HNRNPU: variants seen among roughly 807,000 people sequenced by gnomAD.
The protein encoded by HNRNPU is heterogeneous nuclear ribonucleoprotein U.
A neutral mutation model predicts 94.7 loss-of-function variants in HNRNPU; 5 were observed. That is an observed-to-expected ratio of 0.05 (90% CI 0.03 to 0.11). The LOEUF is 0.11. HNRNPU is among the 10% of genes least tolerant of loss of function. HNRNPU has a pLI of 1.00. For synonymous variants in HNRNPU, 434 were observed against 381.6 expected, an observed-to-expected ratio of 1.14 and a Z score of -1.60; for missense variants, 710 against 1,049.2, an observed-to-expected ratio of 0.68 and a Z score of 4.47.
intron 8 of HNRNPU, 26 bp from the exon 9 acceptor site, chr1:244,856,882 C>G: frequency 6.4e-7 from 1 of 1,567,904 alleles, no homozygotes; most frequent in Non-Finnish European, 8.6e-7. Context: ...AAAATTTCCC[C>G]TTGAACTTGT....
intron 8 of HNRNPU, 84 bp downstream of exon 8, chr1:244,857,514 T>G: frequency 2.2e-6 from 3 of 1,377,716 alleles, no homozygotes; most frequent in Non-Finnish European, 3.0e-6. Context: ...CTCAAAATGC[T>G]GAGATTACAG....
At chr1:244,862,341 C>T in intron 3 of HNRNPU, 120 bp downstream of exon 3, 1 of 665,120 alleles carries the variant, frequency 1.5e-6, no homozygotes, top group Non-Finnish European at 2.6e-6. Flanking sequence ...CCATTATCTT[C>T]CTGCTTTTAA....
chr1:244,864,284 T>A lies in HNRNPU; in HGVS notation c.24A>T (p.Val8=). 3 of 1,613,164 alleles carry A rather than the reference T, an allele frequency of 1.9e-6. No homozygotes were observed. The highest frequency in any genetic ancestry group is 2.5e-6 in the Non-Finnish European group (3 of 1,179,756). MSSSPVN[V]KKLKVSELKE... ...TCAGCTCCGACACCTTCAGCTTTTT[T>A]ACATTAACAGGCGAGGAACTCATGG... The change falls in exon 1 of 14, where the codon GTA becomes GTT. Residue 8 remains valine (V), a synonymous_variant. Coordinates refer to ENST00000640218, the MANE Select transcript of HNRNPU (RefSeq NM_031844.3).
At chr1:244,862,245 T>C (rs1452990517) in intron 3 of HNRNPU, 7 of 434,014 alleles carry the variant, frequency 1.6e-5, no homozygotes, top group Non-Finnish European at 2.4e-5. Flanking sequence ...GTCATAAAAA[T>C]ACGAAACTCC....
chr1:244,863,414 A>ACACACACACACACG (rs1553283742), intron 1 of HNRNPU, among the ~76,000 whole-genome samples: 1 of 143,220 alleles, frequency 7.0e-6, no homozygotes, highest in Non-Finnish European at 1.5e-5. Flanking sequence ...ACACACACAC[A>ACACACACACACACG]CACACACGCG....
In HNRNPU at chr1:244,857,729, A is replaced by G. The variant is rs1307124973; in HGVS notation, c.1495-12T>C. 6.2e-7 allele frequency: 1 copy of G among 1,610,552 alleles called. No individual in the cohort carries two copies. Among genetic ancestry groups the G allele is most frequent in the South Asian group, 1.1e-5 (1 of 90,516 alleles). ...ATCATCATCACAACCTAGTGAAAAG[A>G]AAAGAAATGTCATTTCACTGTCAGT... is the stretch of plus-strand genomic sequence containing the variant. On this transcript the variant is annotated splice_polypyrimidine_tract_variant and intron_variant, in intron 7 of 13. Coordinates refer to ENST00000640218, the MANE Select transcript of HNRNPU (RefSeq NM_031844.3).
intron 10 of HNRNPU, 144 bp from the exon 11 acceptor site, chr1:244,856,302 A>C: frequency 8.7e-7 from 1 of 1,146,764 alleles, no homozygotes; most frequent in Admixed American, 2.4e-5. Flanking sequence ...AACAACTGCA[A>C]TTTTAATTCC....
intron 3 of HNRNPU, 82 bp downstream of exon 3, chr1:244,862,379 T>G (rs1166648676): frequency 7.5e-6 from 7 of 938,888 alleles, no homozygotes; most frequent in Non-Finnish European, 1.1e-5. Context: ...TTGCTGCACT[T>G]AAGCATTAAG....
Position 244,858,183 on chromosome 1 carries a change from C to G in HNRNPU, c.1322G>C (p.Gly441Ala). ...AFKISKEVLA[G>A]RPLFPHVLCH... ...GAGAACATGCGGGAACAGTGGCCGT[C>G]CAGCAAGAACTTCCTTACTGATTTT... Residue 441 changes from glycine to alanine, a missense_variant, in exon 7 of 14, where the codon GGA becomes GCA. By Grantham distance (60) the Gly-to-Ala change is moderately conservative (BLOSUM62 0). This residue lies in a region of HNRNPU where 150 missense variants were observed against 187.9 expected (regional missense o/e 0.80). Transcript: ENST00000640218. 6.2e-7 allele frequency: 1 copy of G among 1,614,092 alleles called. No homozygotes were observed. Among genetic ancestry groups the G allele is most frequent in the Non-Finnish European group, 8.5e-7 (1 of 1,179,978 alleles).
chr1:244,855,396 C>A, intron 12 of HNRNPU, 28 bp downstream of exon 12: 1 of 1,604,454 alleles, frequency 6.2e-7, no homozygotes, highest in South Asian at 1.1e-5. Context: ...AGTTATCAAT[C>A]ATGCTTCCAG....
Position 244,858,663 on chromosome 1 carries a change from CT to C in HNRNPU, c.1230+65del. ...TTGAAAACTGACCTCAGTAAAGCTT[CT>C]TTAAAGTTCCTAGATATAGCTACTA... On this transcript the variant is annotated intron_variant, in intron 6 of 13. Transcript: ENST00000640218. The C allele has an allele frequency of 3.5e-6, 3 of 847,586 alleles. No individual in the cohort carries two copies. In the South Asian group the frequency reaches 4.4e-5, roughly 12 times the overall value. 52.5% of individuals were successfully genotyped at this position (847,586 alleles called of 1,614,324 possible). A position where few individuals can be genotyped will look rare whatever the true frequency, so the allele number is the denominator to read the frequency against.
Position 244,850,769 on chromosome 1 carries a change from T to TTTGG in HNRNPU, c.*3680_*3681insCCAA, listed in dbSNP as rs1680526391. ...TAAAATGTTAAAACTTAAACCCAAT[T>TTTGG]ATTCACCAAACTCTGAACACCTCAA... On this transcript the variant is annotated 3_prime_UTR_variant, in exon 14 of 14. Transcript: ENST00000640218. The TTTGG allele has an allele frequency of 6.6e-6, 1 of 152,152 alleles. No homozygotes were observed. Among genetic ancestry groups the TTTGG allele is most frequent in the Non-Finnish European group, 1.5e-5 (1 of 68,032 alleles). 9.4% of individuals were successfully genotyped at this position (152,152 alleles called of 1,614,324 possible).
intron 13 of HNRNPU, chr1:244,854,749 T>A (rs1043405813): frequency 1.9e-6 from 1 of 512,990 alleles, no homozygotes; most frequent in Admixed American, 3.6e-5. Context: ...GAACTGTATA[T>A]ATTAAATAAT....
At chr1:244,857,475 G>C (rs907099623) in intron 8 of HNRNPU, 123 bp downstream of exon 8, 1 of 1,001,230 alleles carries the variant, frequency 1.0e-6, no homozygotes, top group African/African-American at 1.7e-5. Flanking sequence ...TCAAACTCCT[G>C]ACCTCAGGTG....
At chr1:244,854,612 T>G (rs755560528) in intron 13 of HNRNPU, 109 bp from the exon 14 acceptor site, 6 of 765,248 alleles carry the variant, frequency 7.8e-6, no homozygotes, top group African/African-American at 3.5e-5. Flanking sequence ...GAAACAAATT[T>G]ATACCTGTCA....
chr1:244,864,018 G>C lies in HNRNPU; in HGVS notation c.290C>G (p.Ser97Cys), dbSNP rs1479183749. The C allele has an allele frequency of 6.2e-7, 1 of 1,613,072 alleles. No homozygotes were observed. Among genetic ancestry groups the C allele is most frequent in the Admixed American group, 1.7e-5 (1 of 59,940 alleles). ...CTCCATCTGGTCGCCGTCCAGAGCG[G>C]AGATTCCTTCCTCCTCCTCTTCCTC... ...EEEEEEEEGISALDGDQMELG... is the reference protein window; with the variant it reads ...EEEEEEEEGICALDGDQMELG... Residue 97 changes from serine to cysteine, a missense_variant, in exon 1 of 14, where the codon TCC becomes TGC. This residue lies in a region of HNRNPU where 292 missense variants were observed against 293.4 expected (regional missense o/e 1.00). Transcript: ENST00000640218.
Position 244,858,239 on chromosome 1 carries a change from A to G in HNRNPU, c.1266T>C (p.Ala422=). The change falls in exon 7 of 14, where the codon GCT becomes GCC. Residue 422 remains alanine, a synonymous_variant. Coordinates refer to ENST00000640218, the MANE Select transcript of HNRNPU (RefSeq NM_031844.3). ...CAACGCCAAGATCTTGTCCATTCTT[A>G]GCATACGAGAGTTCTACTTCATCAC... is the stretch of plus-strand genomic sequence containing the variant. ...FESDEVELSY[A]KNGQDLGVAF... The G allele has an allele frequency of 6.2e-7, 1 of 1,614,052 alleles. No homozygotes were observed. The highest frequency in any genetic ancestry group is 8.5e-7 in the Non-Finnish European group (1 of 1,179,882).
At chr1:244,855,368 C>A in intron 12 of HNRNPU, 56 bp downstream of exon 12, 1 of 1,539,272 alleles carries the variant, frequency 6.5e-7, no homozygotes. Flanking sequence ...AAGCTCACAC[C>A]TTTCCAGACT....
In HNRNPU at chr1:244,856,832, C is replaced by A. The variant is rs1680694264; in HGVS notation, c.1639G>T (p.Ala547Ser). ...AGTGTGTTCAGTTTTCCAGTATCTG[C>A]CATTTGCTTCTTAAAACCTGCCACC... The part of the protein sequence containing the change: ...MMVAGFKKQM[A>S]DTGKLNTLLQ... Residue 547 changes from alanine (A) to serine (S), a missense_variant, in exon 9 of 14, where the codon GCA (alanine) becomes TCA (serine). By Grantham distance (99) the Ala-to-Ser change is moderately conservative (BLOSUM62 1). Coordinates refer to ENST00000640218, the MANE Select transcript of HNRNPU (RefSeq NM_031844.3). 6.2e-7 allele frequency: 1 copy of A among 1,603,730 alleles called. No homozygotes were observed. Among genetic ancestry groups the A allele is most frequent in the South Asian group, 1.1e-5 (1 of 88,408 alleles).
Sources: gnomAD v4.1 joint callset for allele counts (sites outside exome capture counted in the v4.1 genomes callset) on GRCh38, gnomAD v4.1.1 for gene constraint, gnomAD v4.1.1 regional missense constraint, MANE v1.5 for transcripts, NCBI Gene and HGNC (gene_info 2026-07-23, HGNC 2026-07-21) for gene names.